The following OSBPL7 variants were observed in gnomAD, a reference collection of about 807,000 sequenced individuals.
The protein encoded by OSBPL7 is oxysterol binding protein like 7.
A neutral mutation model predicts 115.8 loss-of-function variants in OSBPL7; 66 were observed. The ratio of observed to expected loss-of-function variants is 0.57; its 90% confidence interval spans 0.47 to 0.70. The LOEUF (loss-of-function observed/expected upper bound fraction) is 0.70, where lower values mean the gene tolerates loss of function less well. Among genes scored for constraint, OSBPL7 ranks in the 30% least tolerant of loss-of-function variants. The pLI is 0.00. For missense variants in OSBPL7, 902 were observed against 1,125.5 expected (o/e 0.80, Z 2.84); for synonymous variants, 441 against 439.2 (o/e 1.00, Z -0.05).
intron 18 of OSBPL7, among the ~76,000 whole-genome samples, chr17:47,809,972 G>A (rs1410309242): frequency 1.4e-5 from 2 of 145,442 alleles, no homozygotes; most frequent in African/African-American, 2.6e-5. Context: ...GGAGTGCAGT[G>A]CAGTGGTGCA....
rs1366470974 is a variant in OSBPL7, at chr17:47,816,594, C to A, written c.897G>T (p.Leu299=). ...GGGCCAGGGCCCAGAAGCTGCGCTGCAGGTGGGCATAGTCTGTGGGTGGCA... is the reference window on the plus strand; with the variant it reads ...GGGCCAGGGCCCAGAAGCTGCGCTGAAGGTGGGCATAGTCTGTGGGTGGCA... ...RGLPPTDYAH[L]QRSFWALAQK... Residue 299 remains leucine (L), a synonymous_variant, in exon 10 of 23, where the codon CTG becomes CTT. Transcript: ENST00000007414. The surrounding 1 kb of genome is among the most constrained non-coding windows in gnomAD (Gnocchi z 5.8). 2 of 1,613,366 alleles carry A rather than the reference C, an allele frequency of 1.2e-6. No homozygotes were observed. Among genetic ancestry groups the A allele is most frequent in the South Asian group, 2.2e-5 (2 of 90,990 alleles).
chr17:47,819,238 T>C, intron 4 of OSBPL7, 139 bp from the exon 5 acceptor site: 1 of 652,502 alleles, frequency 1.5e-6, no homozygotes, highest in Non-Finnish European at 2.7e-6. Flanking sequence ...ACACTATCAG[T>C]AGAGACTTGT....
intron 3 of OSBPL7, 51 bp downstream of exon 3, chr17:47,819,920 T>TACCCCCCCCCCCCCCCAG: frequency 1.6e-6 from 1 of 642,028 alleles, no homozygotes; most frequent in Non-Finnish European, 2.6e-6. Context: ...CTGCCCCCCA[T>TACCCCCCCCCCCCCCCAG]TCCCACCCCG....
At chr17:47,809,968 C>T (rs2032990440) in intron 18 of OSBPL7, among the ~76,000 whole-genome samples, 1 of 144,862 alleles carries the variant, frequency 6.9e-6, no homozygotes, top group Non-Finnish European at 1.5e-5. Flanking sequence ...GGCTGGAGTG[C>T]AGTGCAGTGG....
intron 16 of OSBPL7, among the ~76,000 whole-genome samples, chr17:47,812,793 C>T (rs561444524): frequency 6.6e-6 from 1 of 152,304 alleles, no homozygotes; most frequent in East Asian, 1.9e-4. Flanking sequence ...TCTCAGCAGC[C>T]ACTCCACTGC....
chr17:47,820,698 C>G (rs2033370203), intron 1 of OSBPL7: 1 of 166,848 alleles, frequency 6.0e-6, no homozygotes, highest in East Asian at 1.9e-4. Flanking sequence ...AGAGGTGAAG[C>G]AAGGGAGTGA....
chr17:47,817,393 T>A (rs1276684432), intron 7 of OSBPL7, 34 bp from the exon 8 acceptor site: 1 of 1,498,808 alleles, frequency 6.7e-7, no homozygotes, highest in Admixed American at 2.0e-5. Flanking sequence ...AAGAACACCA[T>A]TCATTTTTTT....
intron 2 of OSBPL7, 52 bp from the exon 3 acceptor site, chr17:47,820,148 C>A: frequency 6.2e-7 from 1 of 1,613,626 alleles, no homozygotes; most frequent in Non-Finnish European, 8.5e-7. Flanking sequence ...CCGCCTTGGC[C>A]CCTCCCTGTC....
At position 47,816,009 on chromosome 17, in the gene OSBPL7, G is replaced by T; in HGVS notation, c.1119+98C>A. On this transcript the variant is annotated intron_variant, in intron 12 of 22. Coordinates refer to ENST00000007414, the MANE Select transcript of OSBPL7 (RefSeq NM_145798.3). The surrounding 1 kb of genome is among the most constrained non-coding windows in gnomAD (Gnocchi z 5.8). ...GCCAGGATTTTTGGGCTGTCTTTGG[G>T]ACTAAAAACCAACTTTGCCCACTGC... The T allele has an allele frequency of 1.9e-6, 2 of 1,073,792 alleles. No individual in the cohort carries two copies. Among genetic ancestry groups the T allele is most frequent in the Non-Finnish European group, 2.7e-6 (2 of 754,682 alleles). The allele number at this position is 1,073,792 out of a possible 1,614,324, so 66.5% of individuals were successfully genotyped here. A position where few individuals can be genotyped will look rare whatever the true frequency, so the allele number is the denominator to read the frequency against.
At position 47,816,858 on chromosome 17, in the gene OSBPL7, G is replaced by A. The variant is rs745945636; in HGVS notation, c.717C>T (p.Thr239=). Residue 239 remains threonine, a synonymous_variant, in exon 9 of 23, where the codon ACC becomes ACT. Coordinates refer to ENST00000007414, the MANE Select transcript of OSBPL7 (RefSeq NM_145798.3). The surrounding 1 kb of genome is among the most constrained non-coding windows in gnomAD (Gnocchi z 5.8). ...VIPTHQASVT[T]ERPKKGKRTS... Reference sequence around the variant, plus strand: ...TCCGTTTCCCCTTCTTGGGTCTTTCGGTTGTCACTGAGGCCTGGCAAGTCA... The same window carrying A: ...TCCGTTTCCCCTTCTTGGGTCTTTCAGTTGTCACTGAGGCCTGGCAAGTCA... 1.5e-5 allele frequency: 24 copies of A among 1,613,828 alleles called. No homozygotes were observed. The highest frequency in any genetic ancestry group is 6.7e-5 in the Admixed American group (4 of 60,002).
At position 47,808,447 on chromosome 17, in the gene OSBPL7, G is replaced by A. The variant is rs1276372298; in HGVS notation, c.2421-48C>T. 1.9e-6 allele frequency: 3 copies of A among 1,613,732 alleles called. No homozygotes were observed. Among genetic ancestry groups the A allele is most frequent in the Admixed American group, 1.7e-5 (1 of 60,006 alleles). On this transcript the variant is annotated intron_variant, in intron 22 of 22. Transcript: ENST00000007414. This position sits in a 1 kb window ranked among gnomAD's most constrained non-coding sequence, Gnocchi z 6.1. The stretch of plus-strand genomic sequence containing the variant: ...GTGAGGGGTGAACATCTAGAAGGCA[G>A]GCTAGGGTCCTAAGGTGCTGCCTCC...
intron 14 of OSBPL7, among the ~76,000 whole-genome samples, 155 bp from the exon 15 acceptor site, chr17:47,813,989 G>A (rs893651592): frequency 6.6e-6 from 1 of 152,180 alleles, no homozygotes; most frequent in African/African-American, 2.4e-5. Context: ...AGGGTGACTG[G>A]GGCTCTAACT....
In OSBPL7 at chr17:47,808,806, G is replaced by T; in HGVS notation, c.2297+58C>A. Reference sequence around the variant, plus strand: ...GAAGGAAGGACAAAGCCCCAGCTCTGTACTCTGTGGAGGGAGTGAACTAGA... The same window carrying T: ...GAAGGAAGGACAAAGCCCCAGCTCTTTACTCTGTGGAGGGAGTGAACTAGA... On this transcript the variant is annotated intron_variant, in intron 21 of 22. Coordinates refer to ENST00000007414, the MANE Select transcript of OSBPL7 (RefSeq NM_145798.3). The surrounding 1 kb of genome is among the most constrained non-coding windows in gnomAD (Gnocchi z 6.1). The T allele has an allele frequency of 6.2e-7, 1 of 1,610,112 alleles. No homozygotes were observed. The highest frequency in any genetic ancestry group is 8.5e-7 in the Non-Finnish European group (1 of 1,176,860).
chr17:47,813,138 C>T (rs182329288), intron 16 of OSBPL7, 128 bp downstream of exon 16: 23 of 1,299,856 alleles, frequency 1.8e-5, no homozygotes, highest in African/African-American at 5.9e-5. Context: ...CCGCAGAGCC[C>T]GGCACAGAGC....
At chr17:47,814,939 G>A (rs1316094515) in intron 13 of OSBPL7, 20 of 562,280 alleles carry the variant, frequency 3.6e-5, no homozygotes, top group Non-Finnish European at 1.9e-5. Context: ...CTGAAGCTGA[G>A]ACAGGGTCAT....
At chr17:47,815,560 G>A (rs1422308513) in intron 12 of OSBPL7, 4 of 610,706 alleles carry the variant, frequency 6.5e-6, no homozygotes, top group East Asian at 5.7e-5. Context: ...GTGAGGGGAC[G>A]CAGGCTCCAT....
Position 47,813,248 on chromosome 17 carries a change from C to G in OSBPL7, c.1737+18G>C. The G allele has an allele frequency of 6.2e-7, 1 of 1,613,568 alleles. No individual in the cohort carries two copies. Reference sequence around the variant, plus strand: ...GCCCCAGACACCCAAGGCCAGCCCTCTTCTCCCAAGGCCATACCTGCTCAC... The same window carrying G: ...GCCCCAGACACCCAAGGCCAGCCCTGTTCTCCCAAGGCCATACCTGCTCAC... On this transcript the variant is annotated intron_variant, in intron 16 of 22. Transcript: ENST00000007414.
At chr17:47,818,430 C>T (rs1165933596) in intron 6 of OSBPL7, 44 bp from the exon 7 acceptor site, 2 of 1,599,132 alleles carry the variant, frequency 1.3e-6, no homozygotes, top group East Asian at 4.5e-5. Context: ...GCCCACCTCC[C>T]TGGGTCTCAC....
In OSBPL7 at chr17:47,808,933, A is replaced by G; in HGVS notation, c.2228T>C (p.Leu743Pro). 1 of 1,614,150 alleles carries G rather than the reference A, an allele frequency of 6.2e-7. No homozygotes were observed. Among genetic ancestry groups the G allele is most frequent in the Non-Finnish European group, 8.5e-7 (1 of 1,180,014 alleles). Residue 743 changes from leucine to proline, a missense_variant, in exon 21 of 23, where the codon CTG (leucine) becomes CCG (proline). Leu to Pro is a moderately conservative substitution (Grantham distance 98). This residue lies in a region of OSBPL7 where 230 missense variants were observed against 312.7 expected (regional missense o/e 0.74). Transcript: ENST00000007414. The surrounding 1 kb of genome is among the most constrained non-coding windows in gnomAD (Gnocchi z 6.1). ...TTTCAGCTCTGCTGTCAGCTCATTC[A>G]GCTCCAAGGCAAACTGGGTGAAGCC... ...NFGFTQFALELNELTAELKRS... is the reference protein window; with the variant it reads ...NFGFTQFALEPNELTAELKRS...
Sources: allele counts gnomAD v4.1 joint callset (sites outside exome capture counted in the v4.1 genomes callset), GRCh38; gene constraint gnomAD v4.1.1; regional missense constraint gnomAD v4.1.1; non-coding constraint Gnocchi (gnomAD v3.1); transcripts MANE v1.5; gene names NCBI Gene and HGNC (gene_info 2026-07-23, HGNC 2026-07-21).